LRP1B: variants seen among roughly 807,000 people sequenced by gnomAD.
The protein encoded by LRP1B is low-density lipoprotein receptor-related protein 1B.
A neutral mutation model predicts 556.6 loss-of-function variants in LRP1B; 217 were observed. The ratio of observed to expected loss-of-function variants is 0.39; its 90% CI spans 0.35 to 0.44. The LOEUF (loss-of-function observed/expected upper bound fraction) is 0.44, where lower values mean the gene tolerates loss of function less well. LRP1B is among the 20% of genes least tolerant of loss of function. The probability of loss-of-function intolerance (pLI) is 1.00; values close to 1 mark genes in which losing one functional copy is unlikely to be tolerated. For missense variants in LRP1B, 5,053 were observed against 5,620.8 expected, an observed-to-expected ratio of 0.90 and a Z score of 3.23; for synonymous variants, 2,047 against 1,865.8, an observed-to-expected ratio of 1.10 and a Z score of -2.50.
rs148146469 is a variant in LRP1B at position 140,520,048 on chromosome 2, C to T, written c.8027-3037G>A. Among the ~76,000 whole-genome samples, 928 of 152,202 alleles carry T rather than the reference C, an allele frequency of 6.1e-3. 10 individuals are homozygous for T. Among genetic ancestry groups the T allele is most frequent in the African/African-American group, 0.021 (890 of 41,528 alleles). ...TCAACCATTGTGGAAGACAGTGTGACGATTCCTCAAGGATCTAGAACTAGA... is the reference window on the plus strand; with the variant it reads ...TCAACCATTGTGGAAGACAGTGTGATGATTCCTCAAGGATCTAGAACTAGA... On this transcript the variant is annotated intron_variant, in intron 49 of 90. Coordinates refer to ENST00000389484, the MANE Select transcript of LRP1B (RefSeq NM_018557.3).
chr2:141,916,541 CTTTTTTT>C (rs58336400), intron 1 of LRP1B, among the ~76,000 whole-genome samples: 1 of 124,732 alleles, frequency 8.0e-6, no homozygotes. Flanking sequence ...ATTTTTTGAA[CTTTTTTT>C]TTTTTTTTTT....
At chr2:141,402,988 G>A (rs1690500989) in intron 3 of LRP1B, among the ~76,000 whole-genome samples, 1 of 151,946 alleles carries the variant, frequency 6.6e-6, no homozygotes, top group African/African-American at 2.4e-5. Context: ...AGAGGAAAGG[G>A]GCAAAATATC....
intron 6 of LRP1B, among the ~76,000 whole-genome samples, chr2:141,218,715 C>T (rs1682914577): frequency 1.3e-5 from 2 of 152,172 alleles, no homozygotes; most frequent in Non-Finnish European, 2.9e-5. Flanking sequence ...GATGTCCAAA[C>T]TTTAACATCA....
chr2:140,589,759 T>G (rs1682141789), intron 43 of LRP1B, among the ~76,000 whole-genome samples: 2 of 152,188 alleles, frequency 1.3e-5, no homozygotes, highest in Admixed American at 1.3e-4. Flanking sequence ...AGTTATAAAG[T>G]TTCTTTACAA....
intron 6 of LRP1B, among the ~76,000 whole-genome samples, chr2:141,206,536 G>A (rs1471937907): frequency 1.3e-5 from 2 of 151,758 alleles, no homozygotes; most frequent in African/African-American, 2.4e-5. Context: ...GCAGTGAGCC[G>A]AGATCGTGCC....
chr2:141,120,029 T>C (rs887229333), intron 7 of LRP1B, among the ~76,000 whole-genome samples: 6 of 151,950 alleles, frequency 3.9e-5, no homozygotes, highest in Admixed American at 2.0e-4. Context: ...TAGGAAATGC[T>C]CAATAATTTA....
chr2:141,004,636 A>T (rs1251845533), intron 15 of LRP1B, among the ~76,000 whole-genome samples: 1 of 152,060 alleles, frequency 6.6e-6, no homozygotes, highest in African/African-American at 2.4e-5. Flanking sequence ...TATTATATAC[A>T]TCCTATTAGT....
At chr2:140,723,476 A>G (rs1687486338) in intron 35 of LRP1B, among the ~76,000 whole-genome samples, 1 of 152,206 alleles carries the variant, frequency 6.6e-6, no homozygotes. Context: ...AAGAAAGTTA[A>G]AGAAAGAAAG....
chr2:140,306,724 C>T (rs1007396603), intron 83 of LRP1B, among the ~76,000 whole-genome samples: 1 of 151,816 alleles, frequency 6.6e-6, no homozygotes, highest in Non-Finnish European at 1.5e-5. Context: ...GCTCTTGCTT[C>T]TCTAGTTCTT....
chr2:142,057,978 G>A (rs1405414878), intron 1 of LRP1B, among the ~76,000 whole-genome samples: 1 of 152,112 alleles, frequency 6.6e-6, no homozygotes. Context: ...TCAAAGTCAG[G>A]ATTTAATGTA....
intron 1 of LRP1B, among the ~76,000 whole-genome samples, chr2:141,908,670 C>G (rs138334482): frequency 0.012 from 1,770 of 152,052 alleles, 31 homozygotes; most frequent in African/African-American, 0.041. Context: ...ATGAATACTT[C>G]TAATAATATC....
chr2:141,812,259 A>C (rs1319739958), intron 1 of LRP1B, among the ~76,000 whole-genome samples: 1 of 152,102 alleles, frequency 6.6e-6, no homozygotes, highest in Non-Finnish European at 1.5e-5. Flanking sequence ...AGATAAAGAG[A>C]CCATATAATT....
At chr2:141,950,657 T>C (rs542596527) in intron 1 of LRP1B, among the ~76,000 whole-genome samples, 22 of 152,298 alleles carry the variant, frequency 1.4e-4, no homozygotes, top group Middle Eastern at 6.8e-3. Flanking sequence ...ATATGCTTTT[T>C]TTTCTTAGAA....
chr2:141,831,840 C>T lies in LRP1B; in HGVS notation c.83-21439G>A, dbSNP rs188701063. ...TTCAGAACAAAAAATTGGGCTTTCT[C>T]TTCAGTTCTTTAAATCATATTAACT... On this transcript the variant is annotated intron_variant, in intron 1 of 90. Coordinates refer to ENST00000389484, the MANE Select transcript of LRP1B (RefSeq NM_018557.3). Among the ~76,000 whole-genome samples the T allele has an allele frequency of 9.9e-5, 15 of 151,704 alleles. No individual in the cohort carries two copies. The South Asian group carries it at 1.0e-3, about 10-fold the overall frequency.
intron 66 of LRP1B, among the ~76,000 whole-genome samples, chr2:140,402,151 T>C (rs1377212201): frequency 6.6e-6 from 1 of 152,138 alleles, no homozygotes; most frequent in East Asian, 1.9e-4. Context: ...CAGAAACTCC[T>C]ACTCCCAGGG....
At chr2:141,632,869 C>CAAAAA (rs55807294) in intron 2 of LRP1B, among the ~76,000 whole-genome samples, 1 of 133,240 alleles carries the variant, frequency 7.5e-6, no homozygotes. Context: ...CTACAAGAAC[C>CAAAAA]AAAAAAAAAA....
rs767939250 is a variant in LRP1B at position 140,297,930 on chromosome 2, G to A, written c.12845C>T (p.Pro4282Leu). 6.2e-7 allele frequency: 1 copy of A among 1,613,514 alleles called. No individual in the cohort carries two copies. Among genetic ancestry groups the A allele is most frequent in the Non-Finnish European group, 8.5e-7 (1 of 1,179,552 alleles). Residue 4282 changes from proline to leucine, a missense_variant, in exon 84 of 91, where the codon CCA becomes CTA. Coordinates refer to ENST00000389484, the MANE Select transcript of LRP1B (RefSeq NM_018557.3). ...TCSCALGFTGPNCGKTVCEDF... is the reference protein window; with the variant it reads ...TCSCALGFTGLNCGKTVCEDF... The stretch of plus-strand genomic sequence containing the variant: ...CTCACAGACTGTCTTACCACAGTTT[G>A]GCCCAGTGAAACCCAGTGCACAGCT...
chr2:141,202,027 G>A (rs1176348815), intron 6 of LRP1B, among the ~76,000 whole-genome samples: 1 of 151,578 alleles, frequency 6.6e-6, no homozygotes, highest in African/African-American at 2.4e-5. Flanking sequence ...GTAAACATAT[G>A]CCATGATGGT....
At chr2:141,435,742 A>C (rs1680739823) in intron 3 of LRP1B, among the ~76,000 whole-genome samples, 2 of 152,168 alleles carry the variant, frequency 1.3e-5, no homozygotes, top group African/African-American at 4.8e-5. Context: ...TGAACCAGGG[A>C]GATCAGGCTC....
Sources: allele counts gnomAD v4.1 joint callset (sites outside exome capture counted in the v4.1 genomes callset), GRCh38; gene constraint gnomAD v4.1.1; transcripts MANE v1.5; gene names NCBI Gene and HGNC (gene_info 2026-07-23, HGNC 2026-07-21).